KLHDC10: variants seen among roughly 807,000 people sequenced by gnomAD.
KLHDC10 encodes the protein kelch domain-containing protein 10.
A neutral mutation model predicts 56.1 loss-of-function variants in KLHDC10; 24 were observed. That is an observed-to-expected ratio of 0.43 (90% CI 0.31 to 0.60). The LOEUF (loss-of-function observed/expected upper bound fraction) is 0.60, where lower values mean the gene tolerates loss of function less well. Ranked by LOEUF, KLHDC10 falls within the 20% of genes least tolerant of loss-of-function variation. The pLI is 0.11. For missense variants in KLHDC10, 349 were observed against 567.0 expected (o/e 0.62, Z 3.91); for synonymous variants, 188 against 207.1 (o/e 0.91, Z 0.79).
chr7:130,095,994 C>G (rs1034410375), intron 1 of KLHDC10, among the ~76,000 whole-genome samples: 5 of 152,140 alleles, frequency 3.3e-5, no homozygotes, highest in African/African-American at 1.2e-4. Context: ...CTTATGAGAC[C>G]ATGGGCTCTG....
At chr7:130,121,668 A>T (rs1796249585) in intron 4 of KLHDC10, among the ~76,000 whole-genome samples, 1 of 152,266 alleles carries the variant, frequency 6.6e-6, no homozygotes, top group Non-Finnish European at 1.5e-5. Flanking sequence ...GTTTCTACTT[A>T]GCAGATTGTG....
chr7:130,129,428 T>G lies in KLHDC10; in HGVS notation c.980-9T>G, dbSNP rs200034866. ...TTTGTGTGATCTTGGCTTTCTCTTTTCTTCATAGATGTATTTATTTGTGGG... is the reference window on the plus strand; with the variant it reads ...TTTGTGTGATCTTGGCTTTCTCTTTGCTTCATAGATGTATTTATTTGTGGG... On this transcript the variant is annotated splice_polypyrimidine_tract_variant and intron_variant, in intron 8 of 9. Coordinates refer to ENST00000335420, the MANE Select transcript of KLHDC10 (RefSeq NM_014997.4). The G allele has an allele frequency of 3.7e-6, 6 of 1,612,880 alleles. No homozygotes were observed. Among genetic ancestry groups the G allele is most frequent in the Admixed American group, 1.7e-5 (1 of 59,650 alleles).
In KLHDC10 at chr7:130,098,310, C is replaced by T. The variant is rs543974296; in HGVS notation, c.253+1303C>T. Among the ~76,000 whole-genome samples the T allele has an allele frequency of 4.6e-5, 7 of 152,116 alleles. No homozygotes were observed. In the East Asian group the frequency reaches 5.8e-4, roughly 13 times the overall value. On this transcript the variant is annotated intron_variant, in intron 2 of 9. Transcript: ENST00000335420. The stretch of plus-strand genomic sequence containing the variant: ...GAGTTCAAGACCAGCCAGGACAACA[C>T]GGTGAAACCCTGTCTCTGTAAAAAA...
intron 5 of KLHDC10, among the ~76,000 whole-genome samples, chr7:130,123,057 A>ATGGATGG (rs1796271330): frequency 6.6e-6 from 1 of 151,978 alleles, no homozygotes; most frequent in African/African-American, 2.4e-5. Flanking sequence ...GGATGGATGG[A>ATGGATGG]AAGGTCATTC....
Position 130,133,637 on chromosome 7 carries a change from C to T in KLHDC10, c.*2891C>T, listed in dbSNP as rs1170388202. On this transcript the variant is annotated 3_prime_UTR_variant, in exon 10 of 10. Transcript: ENST00000335420. ...TTGTTAGAGTTGAGATTTTTTTTCT[C>T]CCTGTCATCTTTGTACTCTCTCATG... 1.3e-5 allele frequency: 2 copies of T among 151,490 alleles called. No homozygotes were observed. The highest frequency in any genetic ancestry group is 3.0e-5 in the Non-Finnish European group (2 of 67,736). The allele number at this position is 151,490 out of a possible 1,614,324, so 9.4% of individuals were successfully genotyped here.
At position 130,133,488 on chromosome 7, in the gene KLHDC10, T is replaced by C. The variant is rs1235773392; in HGVS notation, c.*2742T>C. The C allele has an allele frequency of 2.0e-5, 3 of 152,234 alleles. No homozygotes were observed. Among genetic ancestry groups the C allele is most frequent in the Non-Finnish European group, 4.4e-5 (3 of 68,040 alleles). 9.4% of individuals were successfully genotyped at this position (152,234 alleles called of 1,614,324 possible). A position where few individuals can be genotyped will look rare whatever the true frequency, so the allele number is the denominator to read the frequency against. On this transcript the variant is annotated 3_prime_UTR_variant, in exon 10 of 10. Coordinates refer to ENST00000335420, the MANE Select transcript of KLHDC10 (RefSeq NM_014997.4). ...GGGAAGTGAGCTCATTACTTTAGGT[T>C]CAAATTATGCCAAGAATTTTAGATG...
At chr7:130,084,745 C>T (rs1215346446) in intron 1 of KLHDC10, among the ~76,000 whole-genome samples, 1 of 151,118 alleles carries the variant, frequency 6.6e-6, no homozygotes, top group Non-Finnish European at 1.5e-5. Context: ...CCACAGCACT[C>T]CAGTCTAGGT....
intron 2 of KLHDC10, among the ~76,000 whole-genome samples, chr7:130,108,572 A>AAAAAAAAAT (rs1405437913): frequency 1.1e-3 from 159 of 144,070 alleles, no homozygotes; most frequent in African/African-American, 3.8e-3. Context: ...AAAAAAAAAA[A>AAAAAAAAAT]AGCTGGGCGT....
At chr7:130,129,372 C>CT (rs1796365071) in intron 8 of KLHDC10, 65 bp from the exon 9 acceptor site, 1 of 1,594,124 alleles carries the variant, frequency 6.3e-7, no homozygotes, top group African/African-American at 1.3e-5. Context: ...GTGACCTACT[C>CT]TAAAACACTC....
chr7:130,108,638 C>T (rs1584632201), intron 2 of KLHDC10, among the ~76,000 whole-genome samples: 1 of 149,546 alleles, frequency 6.7e-6, no homozygotes, highest in African/African-American at 2.5e-5. Flanking sequence ...GGAAGGATCG[C>T]TTGAGCTCGG....
At position 130,106,064 on chromosome 7, in the gene KLHDC10, G is replaced by A. The variant is rs1277754314; in HGVS notation, c.253+9057G>A. Among the ~76,000 whole-genome samples the A allele has an allele frequency of 3.3e-5, 5 of 152,220 alleles. No individual in the cohort carries two copies. The East Asian group carries it at 5.8e-4, about 18-fold the overall frequency. Reference sequence around the variant, plus strand: ...CTCGGGAGACTGAGACAGGAGAATCGCTTGAACCTGGGAGGCGGAGGCAGT... The same window carrying A: ...CTCGGGAGACTGAGACAGGAGAATCACTTGAACCTGGGAGGCGGAGGCAGT... On this transcript the variant is annotated intron_variant, in intron 2 of 9. Transcript: ENST00000335420.
In KLHDC10 at chr7:130,130,045, G is replaced by C. The variant is rs935250396; in HGVS notation, c.1119+469G>C. On this transcript the variant is annotated intron_variant, in intron 9 of 9. Coordinates refer to ENST00000335420, the MANE Select transcript of KLHDC10 (RefSeq NM_014997.4). This position sits in a 1 kb window ranked among gnomAD's most constrained non-coding sequence, Gnocchi z 4.2. ...AAATTCATATATATAGGCCGGGCGC[G>C]GTGGCTCAGGCCTGTAATCCCAGCA... is the stretch of plus-strand genomic sequence containing the variant. 1.3e-5 allele frequency among the ~76,000 whole-genome samples: 2 copies of C among 152,044 alleles called. No individual in the cohort carries two copies. The highest frequency in any genetic ancestry group is 4.8e-5 in the African/African-American group (2 of 41,396).
chr7:130,108,554 T>G, intron 2 of KLHDC10, among the ~76,000 whole-genome samples: 1 of 52,122 alleles, frequency 1.9e-5, no homozygotes, highest in African/African-American at 9.2e-5. Flanking sequence ...CTACCAAATA[T>G]CCAAAAAAAA....
chr7:130,088,056 C>T (rs771631391), intron 1 of KLHDC10, among the ~76,000 whole-genome samples: 17 of 151,832 alleles, frequency 1.1e-4, no homozygotes, highest in Admixed American at 2.0e-4. Flanking sequence ...CCACTGTGCC[C>T]GGCCATATTA....
At chr7:130,079,381 C>T (rs1243978604) in intron 1 of KLHDC10, among the ~76,000 whole-genome samples, 2 of 151,560 alleles carry the variant, frequency 1.3e-5, no homozygotes, top group South Asian at 2.1e-4. Context: ...TTAATAAATA[C>T]TTTATTTAAA....
At chr7:130,077,425 A>G (rs1012358347) in intron 1 of KLHDC10, among the ~76,000 whole-genome samples, 9 of 147,054 alleles carry the variant, frequency 6.1e-5, no homozygotes, top group African/African-American at 2.3e-4. Context: ...TTTTGTATCT[A>G]TCAACATTAA....
At chr7:130,083,742 C>T (rs572091425) in intron 1 of KLHDC10, among the ~76,000 whole-genome samples, 1 of 152,236 alleles carries the variant, frequency 6.6e-6, no homozygotes, top group Non-Finnish European at 1.5e-5. Context: ...AGTGAGACTC[C>T]ATCTCAAAAA....
intron 1 of KLHDC10, among the ~76,000 whole-genome samples, chr7:130,079,180 C>T (rs1795563363): frequency 6.6e-6 from 1 of 151,882 alleles, no homozygotes; most frequent in Non-Finnish European, 1.5e-5. Flanking sequence ...GGCTCAGCCT[C>T]CCGGGTAGCT....
At chr7:130,119,672 C>T (rs1366066693) in intron 3 of KLHDC10, among the ~76,000 whole-genome samples, 44 of 150,796 alleles carry the variant, frequency 2.9e-4, no homozygotes, top group Non-Finnish European at 5.3e-4. Context: ...GGTGAAACCC[C>T]GTCTCTACTA....
Sources: allele counts gnomAD v4.1 joint callset (sites outside exome capture counted in the v4.1 genomes callset), GRCh38; gene constraint gnomAD v4.1.1; non-coding constraint Gnocchi (gnomAD v3.1); transcripts MANE v1.5; gene names NCBI Gene and HGNC (gene_info 2026-07-23, HGNC 2026-07-21).